Variants in HOMER2 observed in about 807,000 individuals in gnomAD.
HOMER2 encodes homer protein homolog 2.
Under a neutral mutation model 47.0 loss-of-function variants are expected in HOMER2, and 27 were observed. That is an observed-to-expected ratio of 0.57 (90% CI 0.42 to 0.79). The LOEUF is 0.79. Ranked by LOEUF, HOMER2 falls within the 30% of genes least tolerant of loss-of-function variation. The pLI, the probability that HOMER2 is intolerant of heterozygous loss-of-function variation, is 0.00. For synonymous variants in HOMER2, 161 were observed against 163.8 expected, an observed-to-expected ratio of 0.98 and a Z score of 0.13; for missense variants, 443 against 435.0, an observed-to-expected ratio of 1.02 and a Z score of -0.16.
rs866046968 is a variant in HOMER2, at chr15:82,851,088, G to A, written c.843+63C>T. On this transcript the variant is annotated intron_variant, in intron 8 of 8. Transcript: ENST00000450735. The stretch of plus-strand genomic sequence containing the variant: ...TGAAAGTGATAGGAAGCAGGAAAAT[G>A]AGTACCATGACATTTGTGCCTTCTT... 22 of 1,034,968 alleles carry A rather than the reference G, an allele frequency of 2.1e-5. No homozygotes were observed. The Middle Eastern group carries it at 1.4e-3, about 64-fold the overall frequency. The allele number at this position is 1,034,968 out of a possible 1,614,324, so 64.1% of individuals were successfully genotyped here.
At chr15:82,868,176 GTTT>G (rs564561273) in intron 3 of HOMER2, among the ~76,000 whole-genome samples, 3 of 151,822 alleles carry the variant, frequency 2.0e-5, no homozygotes, top group Admixed American at 6.6e-5. Context: ...CTTTTTAATG[GTTT>G]TTTTATTGTT....
intron 1 of HOMER2, among the ~76,000 whole-genome samples, chr15:82,935,099 C>T (rs949187850): frequency 1.3e-5 from 2 of 152,188 alleles, no homozygotes; most frequent in Non-Finnish European, 2.9e-5. Context: ...CAACTGGCAG[C>T]GCTCCCCTCA....
chr15:82,904,468 TCA>T (rs1041913303), intron 1 of HOMER2, among the ~76,000 whole-genome samples: 5 of 152,126 alleles, frequency 3.3e-5, no homozygotes, highest in African/African-American at 1.2e-4. Flanking sequence ...ACAGTGAGCA[TCA>T]GAGAAAAATC....
At chr15:82,853,677 A>G (rs995568179) in intron 6 of HOMER2, among the ~76,000 whole-genome samples, 11 of 152,098 alleles carry the variant, frequency 7.2e-5, no homozygotes, top group Admixed American at 4.6e-4. Flanking sequence ...TAGCAGAGAA[A>G]CCTCAAGACC....
intron 1 of HOMER2, among the ~76,000 whole-genome samples, chr15:82,946,138 C>G (rs997582226): frequency 6.6e-6 from 1 of 152,148 alleles, no homozygotes; most frequent in African/African-American, 2.4e-5. Context: ...AGAAAAGAAA[C>G]CTAATAATTT....
intron 1 of HOMER2, among the ~76,000 whole-genome samples, chr15:82,917,545 G>T (rs550561613): frequency 6.6e-6 from 1 of 152,242 alleles, no homozygotes; most frequent in Admixed American, 6.5e-5. Context: ...AGGTGCAAGC[G>T]GGGAAGATCC....
At chr15:82,982,799 T>C (rs1030238889) in intron 1 of HOMER2, among the ~76,000 whole-genome samples, 1 of 152,166 alleles carries the variant, frequency 6.6e-6, no homozygotes, top group Non-Finnish European at 1.5e-5. Flanking sequence ...TTCCCGATAC[T>C]AGGTGAGGAA....
At chr15:82,932,645 T>C (rs1223901422) in intron 1 of HOMER2, among the ~76,000 whole-genome samples, 1 of 151,700 alleles carries the variant, frequency 6.6e-6, no homozygotes, top group African/African-American at 2.4e-5. Flanking sequence ...CTCCCTAAGA[T>C]GAGAATTAAT....
At chr15:82,942,303 T>C (rs2054282548) in intron 1 of HOMER2, among the ~76,000 whole-genome samples, 1 of 152,222 alleles carries the variant, frequency 6.6e-6, no homozygotes, top group African/African-American at 2.4e-5. Context: ...ATTCAGGTGA[T>C]GGTCATTGGC....
In HOMER2 at chr15:82,850,958, G is replaced by A. The variant is rs199501450; in HGVS notation, c.843+193C>T. 1.1e-4 allele frequency among the ~76,000 whole-genome samples: 17 copies of A among 152,362 alleles called. No individual in the cohort carries two copies. In the East Asian group the frequency reaches 1.7e-3, roughly 16 times the overall value. On this transcript the variant is annotated intron_variant, in intron 8 of 8. Transcript: ENST00000450735. ...GAACTTGCAAAACCAAAAGACAAAC[G>A]TTGCTGAGTCTGCCCCGGGGGCAGG...
intron 1 of HOMER2, among the ~76,000 whole-genome samples, chr15:82,960,083 A>G (rs1315277927): frequency 6.6e-6 from 1 of 152,162 alleles, no homozygotes; most frequent in Admixed American, 6.6e-5. Context: ...TGAGGCTGGA[A>G]TTGACAGCCA....
chr15:82,923,486 C>CAAAAAAAAA (rs555074000), intron 1 of HOMER2, among the ~76,000 whole-genome samples: 1 of 56,310 alleles, frequency 1.8e-5, no homozygotes, highest in Non-Finnish European at 3.5e-5. Flanking sequence ...GAGTCCGTCT[C>CAAAAAAAAA]AAAAAAAAAA....
intron 5 of HOMER2, among the ~76,000 whole-genome samples, chr15:82,855,282 C>T (rs893319452): frequency 8.6e-5 from 12 of 139,846 alleles, no homozygotes; most frequent in Non-Finnish European, 1.7e-4. Flanking sequence ...GCCGAGATCA[C>T]GCCACTGCAC....
intron 1 of HOMER2, among the ~76,000 whole-genome samples, chr15:82,919,060 G>C (rs1232714713): frequency 6.6e-6 from 1 of 152,162 alleles, no homozygotes; most frequent in Non-Finnish European, 1.5e-5. Flanking sequence ...GCAGAGCAGG[G>C]CCTGGGCCAC....
downstream of HOMER2, chr15:82,958,031 G>T (rs1411410205): frequency 6.6e-6 from 1 of 152,140 alleles, no homozygotes; most frequent in Non-Finnish European, 1.5e-5. Context: ...TAGAGACGGG[G>T]TTTCACCATG....
At chr15:82,881,331 C>T (rs2052514523) in intron 2 of HOMER2, among the ~76,000 whole-genome samples, 1 of 152,170 alleles carries the variant, frequency 6.6e-6, no homozygotes, top group Non-Finnish European at 1.5e-5. Context: ...GCTCATGAAA[C>T]AGGCAGGGGG....
downstream of HOMER2, chr15:82,847,324 T>C (rs949776139): frequency 2.0e-5 from 3 of 152,270 alleles, no homozygotes; most frequent in African/African-American, 7.2e-5. Flanking sequence ...TTCAGTGCTT[T>C]TGTAAAAGCT....
At chr15:82,836,255 G>A (rs538460852), downstream of HOMER2, 1 of 152,402 alleles carries the variant, frequency 6.6e-6, no homozygotes, top group South Asian at 2.1e-4. Flanking sequence ...GTGGGGACAA[G>A]TGTCTCCTAT....
chr15:82,841,068 C>CA (rs2051171460), exon 2 of HOMER2: 1 of 151,710 alleles, frequency 6.6e-6, no homozygotes, highest in Admixed American at 6.6e-5. Flanking sequence ...ATGAGAAAAC[C>CA]AAATCCAGAA....
Sources: allele counts gnomAD v4.1 joint callset (sites outside exome capture counted in the v4.1 genomes callset), GRCh38; gene constraint gnomAD v4.1.1; transcripts MANE v1.5; gene names NCBI Gene and HGNC (gene_info 2026-07-23, HGNC 2026-07-21).